The following USP15 variants were observed in gnomAD, a reference collection of about 807,000 sequenced individuals.
USP15 encodes the protein ubiquitin carboxyl-terminal hydrolase 15.
USP15 carries 18 observed loss-of-function variants against 127.1 expected under a neutral mutation model. The observed-to-expected ratio is 0.14, with a 90% CI of 0.10 to 0.21. The LOEUF (loss-of-function observed/expected upper bound fraction) is 0.21, where lower values mean the gene tolerates loss of function less well. USP15 is among the 10% of genes least tolerant of loss of function. The pLI, the probability that USP15 is intolerant of heterozygous loss-of-function variation, is 1.00. For missense variants in USP15, 805 were observed against 1,159.9 expected (o/e 0.69, Z 4.44); for synonymous variants, 364 against 393.7 (o/e 0.92, Z 0.89).
chr12:62,293,760 C>G (rs1229013215), intron 1 of USP15, among the ~76,000 whole-genome samples: 1 of 152,136 alleles, frequency 6.6e-6, no homozygotes, highest in Admixed American at 6.5e-5. Flanking sequence ...ACCTTGCAAC[C>G]CTTGATAACT....
chr12:62,391,977 C>A, intron 17 of USP15, 91 bp downstream of exon 17: 2 of 1,240,234 alleles, frequency 1.6e-6, no homozygotes, highest in Non-Finnish European at 2.2e-6. Flanking sequence ...ACACTCTTTG[C>A]TTCCACCAAA....
chr12:62,404,879 C>T lies in USP15; in HGVS notation c.*504C>T, dbSNP rs79599984. 0.041 allele frequency: 6,191 copies of T among 152,150 alleles called. 167 individuals are homozygous for T. Among genetic ancestry groups the T allele is most frequent in the African/African-American group, 0.057 (2,382 of 41,514 alleles). The allele number at this position is 152,150 out of a possible 1,614,324, so 9.4% of individuals were successfully genotyped here. A position where few individuals can be genotyped will look rare whatever the true frequency, so the allele number is the denominator to read the frequency against. On this transcript the variant is annotated 3_prime_UTR_variant, in exon 22 of 22. Transcript: ENST00000280377. Reference sequence around the variant, plus strand: ...TACTGCGGCAGCATTCTTCGAAAACCGCATTTTCAAATTTATCCCCGTAAT... The same window carrying T: ...TACTGCGGCAGCATTCTTCGAAAACTGCATTTTCAAATTTATCCCCGTAAT...
chr12:62,287,296 C>T (rs1228347188), intron 1 of USP15, among the ~76,000 whole-genome samples: 1 of 152,112 alleles, frequency 6.6e-6, no homozygotes, highest in East Asian at 1.9e-4. Context: ...AACAAACCTG[C>T]ATATGTACCC....
Position 62,404,179 on chromosome 12 carries a change from CTTTGT to C in USP15, c.2764-9_2764-5del. On this transcript the variant is annotated splice_polypyrimidine_tract_variant and intron_variant, in intron 21 of 21. Transcript: ENST00000280377. ...TGAGAATCATAACTGTTTTAACATC[CTTTGT>C]TTTGACAGTCCAAAGCAGCATATGT... The C allele has an allele frequency of 1.3e-6, 2 of 1,583,112 alleles. No homozygotes were observed. The highest frequency in any genetic ancestry group is 1.7e-6 in the Non-Finnish European group (2 of 1,165,920).
At position 62,405,945 on chromosome 12, in the gene USP15, C is replaced by T. The variant is rs2067853060; in HGVS notation, c.*1570C>T. ...TTGATATTAAAGCTGGTTTATCATC[C>T]TGGTATTTTAAAAGCTGCTTTGGGG... On this transcript the variant is annotated 3_prime_UTR_variant, in exon 22 of 22. Coordinates refer to ENST00000280377, the MANE Select transcript of USP15 (RefSeq NM_001252078.2). 1 of 146,592 alleles carries T rather than the reference C, an allele frequency of 6.8e-6. No homozygotes were observed. The highest frequency in any genetic ancestry group is 2.5e-5 in the African/African-American group (1 of 39,612). The allele number at this position is 146,592 out of a possible 1,614,324, so 9.1% of individuals were successfully genotyped here.
chr12:62,346,037 C>A (rs1478700179), intron 6 of USP15, among the ~76,000 whole-genome samples: 1 of 152,140 alleles, frequency 6.6e-6, no homozygotes, highest in East Asian at 1.9e-4. Context: ...GTTCACATAA[C>A]CACACGTAGT....
At chr12:62,351,753 AT>A (rs1229907968) in intron 7 of USP15, among the ~76,000 whole-genome samples, 1 of 152,064 alleles carries the variant, frequency 6.6e-6, no homozygotes, top group Non-Finnish European at 1.5e-5. Flanking sequence ...CTGTCATATT[AT>A]GGAATTTTAA....
rs2067961937 is a variant in USP15 at position 62,408,862 on chromosome 12, A to G, written c.*4487A>G. On this transcript the variant is annotated 3_prime_UTR_variant, in exon 22 of 22. Transcript: ENST00000280377. ...TTTCAATTCAATATGTATGTGTTTT[A>G]CGTGTTTAATTCGTATTTACTATAT... 6.6e-6 allele frequency: 1 copy of G among 151,978 alleles called. No homozygotes were observed. The highest frequency in any genetic ancestry group is 1.5e-5 in the Non-Finnish European group (1 of 67,972). 9.4% of individuals were successfully genotyped at this position (151,978 alleles called of 1,614,324 possible). A position where few individuals can be genotyped will look rare whatever the true frequency, so the allele number is the denominator to read the frequency against.
intron 8 of USP15, among the ~76,000 whole-genome samples, chr12:62,378,288 A>G (rs1345559628): frequency 1.3e-5 from 2 of 152,216 alleles, no homozygotes; most frequent in Non-Finnish European, 2.9e-5. Context: ...TTTATGAGGG[A>G]GAAATATCGG....
At chr12:62,308,393 G>A (rs757045549) in intron 3 of USP15, among the ~76,000 whole-genome samples, 27 of 152,022 alleles carry the variant, frequency 1.8e-4, no homozygotes, top group Non-Finnish European at 3.8e-4. Flanking sequence ...TTGTACGACA[G>A]TTGGTCTATG....
chr12:62,278,793 A>G (rs1320183275), intron 1 of USP15: 1 of 152,166 alleles, frequency 6.6e-6, no homozygotes, highest in Non-Finnish European at 1.5e-5. Flanking sequence ...CATGCTTAGA[A>G]CACTTAAATT....
At chr12:62,347,807 CT>C (rs759218714) in intron 6 of USP15, among the ~76,000 whole-genome samples, 25 of 152,152 alleles carry the variant, frequency 1.6e-4, no homozygotes, top group Non-Finnish European at 3.2e-4. Flanking sequence ...AGAAATCCCA[CT>C]TAACAGAATC....
intron 8 of USP15, among the ~76,000 whole-genome samples, chr12:62,369,915 C>T (rs1259529792): frequency 6.6e-6 from 1 of 152,048 alleles, no homozygotes; most frequent in Non-Finnish European, 1.5e-5. Context: ...ATGATGATAC[C>T]TGGAACCCCT....
intron 8 of USP15, among the ~76,000 whole-genome samples, chr12:62,371,301 T>C (rs2066658180): frequency 6.6e-6 from 1 of 152,220 alleles, no homozygotes; most frequent in Admixed American, 6.5e-5. Context: ...ACTTTCTCTC[T>C]TTCTTCTATC....
chr12:62,391,033 A>G, intron 15 of USP15, 54 bp downstream of exon 15: 1 of 1,555,366 alleles, frequency 6.4e-7, no homozygotes, highest in East Asian at 2.3e-5. Flanking sequence ...ATTGCCTCAG[A>G]GAAAAAGTTA....
chr12:62,394,321 G>T (rs2067415557), intron 19 of USP15, among the ~76,000 whole-genome samples: 1 of 152,134 alleles, frequency 6.6e-6, no homozygotes, highest in Non-Finnish European at 1.5e-5. Flanking sequence ...AAATGTACTT[G>T]ATACAGTTAG....
chr12:62,303,223 T>G (rs2064368531), intron 3 of USP15: 2 of 177,872 alleles, frequency 1.1e-5, no homozygotes, highest in Non-Finnish European at 2.4e-5. Flanking sequence ...CATATCAGGA[T>G]ACAGACTTTG....
chr12:62,309,050 GA>G (rs1387366652), intron 3 of USP15, among the ~76,000 whole-genome samples: 2 of 151,986 alleles, frequency 1.3e-5, no homozygotes, highest in Non-Finnish European at 2.9e-5. Context: ...ACAAGTTAAG[GA>G]AATTGAACTT....
chr12:62,367,824 G>T (rs1369813082), intron 8 of USP15, among the ~76,000 whole-genome samples: 1 of 152,004 alleles, frequency 6.6e-6, no homozygotes, highest in Non-Finnish European at 1.5e-5. Flanking sequence ...GTTCTGCTCT[G>T]ATCTTAGTTA....
Sources: allele counts gnomAD v4.1 joint callset (sites outside exome capture counted in the v4.1 genomes callset), GRCh38; gene constraint gnomAD v4.1.1; transcripts MANE v1.5; gene names NCBI Gene and HGNC (gene_info 2026-07-23, HGNC 2026-07-21).